SNTG1: variants seen among roughly 807,000 people sequenced by gnomAD.
The protein encoded by SNTG1 is gamma-1-syntrophin.
Under a neutral mutation model 74.7 loss-of-function variants are expected in SNTG1, and 39 were observed. The observed-to-expected ratio is 0.52, with a 90% confidence interval of 0.40 to 0.68. SNTG1 has a LOEUF of 0.68. Among genes scored for constraint, SNTG1 ranks in the 30% least tolerant of loss-of-function variants. The pLI is 0.00. For missense variants in SNTG1, 685 were observed against 609.5 expected (o/e 1.12, Z -1.30); for synonymous variants, 254 against 217.1 (o/e 1.17, Z -1.49).
chr8:50,708,102 G>A (rs551610476), intron 16 of SNTG1: 3 of 219,042 alleles, frequency 1.4e-5, no homozygotes, highest in South Asian at 1.9e-4. Context: ...TCAGGAGACC[G>A]AGGGAAGAGC....
chr8:50,191,332 A>T (rs1044932138), intron 2 of SNTG1, among the ~76,000 whole-genome samples: 14 of 152,136 alleles, frequency 9.2e-5, no homozygotes, highest in Non-Finnish European at 1.8e-4. Context: ...ATTGAAGGGC[A>T]AAAGGAGAAA....
intron 1 of SNTG1, among the ~76,000 whole-genome samples, chr8:50,130,468 A>G (rs2081282257): frequency 6.6e-6 from 1 of 152,144 alleles, no homozygotes; most frequent in Non-Finnish European, 1.5e-5. Flanking sequence ...GGAAATTGAA[A>G]AGTGTTTAAG....
At chr8:50,718,259 G>A (rs1434707219) in intron 17 of SNTG1, among the ~76,000 whole-genome samples, 4 of 152,198 alleles carry the variant, frequency 2.6e-5, no homozygotes, top group Admixed American at 2.6e-4. Context: ...AACACTGACA[G>A]AGGAGGAGGA....
chr8:49,920,542 A>C (rs2129342726), intron 1 of SNTG1, among the ~76,000 whole-genome samples: 1 of 152,162 alleles, frequency 6.6e-6, no homozygotes, highest in East Asian at 1.9e-4. Flanking sequence ...GCAGTAAATA[A>C]ATAAAAAAAC....
chr8:49,946,827 C>A (rs1358191368), intron 1 of SNTG1, among the ~76,000 whole-genome samples: 1 of 152,162 alleles, frequency 6.6e-6, no homozygotes, highest in African/African-American at 2.4e-5. Flanking sequence ...GGACATGTAA[C>A]TTCTAGTTGG....
chr8:50,295,847 G>A (rs1025220465), intron 2 of SNTG1, among the ~76,000 whole-genome samples: 1 of 152,086 alleles, frequency 6.6e-6, no homozygotes, highest in Non-Finnish European at 1.5e-5. Context: ...GATATCTTTG[G>A]ACAAAATGTT....
At chr8:49,987,120 G>C (rs920006025) in intron 1 of SNTG1, among the ~76,000 whole-genome samples, 1 of 152,158 alleles carries the variant, frequency 6.6e-6, no homozygotes, top group East Asian at 1.9e-4. Flanking sequence ...TCCATGAGGA[G>C]ATACTTCCAA....
intron 1 of SNTG1, among the ~76,000 whole-genome samples, chr8:50,004,035 G>A (rs367693254): frequency 1.1e-4 from 16 of 152,196 alleles, no homozygotes; most frequent in Admixed American, 1.3e-4. Context: ...GCAGAGTATG[G>A]CAGTATGAGT....
At chr8:50,702,265 A>G (rs1563762625) in intron 15 of SNTG1, among the ~76,000 whole-genome samples, 1 of 152,144 alleles carries the variant, frequency 6.6e-6, no homozygotes, top group African/African-American at 2.4e-5. Context: ...ACTACTAAAA[A>G]GTATTTATAA....
chr8:50,233,895 T>C (rs2085759765), intron 2 of SNTG1, among the ~76,000 whole-genome samples: 1 of 151,834 alleles, frequency 6.6e-6, no homozygotes. Context: ...TACTGATAAC[T>C]CCAAATGCTG....
chr8:50,546,430 G>A (rs548823458), intron 11 of SNTG1, among the ~76,000 whole-genome samples: 1 of 151,894 alleles, frequency 6.6e-6, no homozygotes, highest in Non-Finnish European at 1.5e-5. Context: ...CGTGCACAAC[G>A]TGCAGGTTTG....
At chr8:50,379,824 T>G (rs1377210466) in intron 2 of SNTG1, among the ~76,000 whole-genome samples, 1 of 152,254 alleles carries the variant, frequency 6.6e-6, no homozygotes, top group Non-Finnish European at 1.5e-5. Flanking sequence ...ATGTGTTAGC[T>G]GGTCACAGGG....
At chr8:50,212,746 C>T (rs1372078535) in intron 2 of SNTG1, among the ~76,000 whole-genome samples, 1 of 152,150 alleles carries the variant, frequency 6.6e-6, no homozygotes, top group Non-Finnish European at 1.5e-5. Flanking sequence ...TCTGAAAGTG[C>T]TGTTGAATGG....
chr8:50,065,288 C>A, intron 1 of SNTG1, among the ~76,000 whole-genome samples: 1 of 152,030 alleles, frequency 6.6e-6, no homozygotes, highest in Non-Finnish European at 1.5e-5. Flanking sequence ...AAAAAGATAA[C>A]GTAAAGCATC....
At chr8:50,502,670 C>G in intron 8 of SNTG1, 108 bp from the exon 9 acceptor site, 2 of 824,814 alleles carry the variant, frequency 2.4e-6, no homozygotes, top group Non-Finnish European at 3.8e-6. Context: ...TTTCTGAATA[C>G]TAGGGAAAAA....
chr8:50,487,581 G>A (rs765702052), intron 8 of SNTG1, among the ~76,000 whole-genome samples: 20 of 151,352 alleles, frequency 1.3e-4, no homozygotes, highest in African/African-American at 3.9e-4. Flanking sequence ...GTAAACTATC[G>A]CAAGATCAAA....
At chr8:50,504,075 A>G (rs2093986394) in intron 9 of SNTG1, among the ~76,000 whole-genome samples, 1 of 152,116 alleles carries the variant, frequency 6.6e-6, no homozygotes, top group South Asian at 2.1e-4. Context: ...CTCACTTGTA[A>G]GTGAGAATGT....
At chr8:50,386,933 C>T (rs768758971) in intron 2 of SNTG1, among the ~76,000 whole-genome samples, 1 of 152,122 alleles carries the variant, frequency 6.6e-6, no homozygotes, top group African/African-American at 2.4e-5. Flanking sequence ...TTCTACAAAC[C>T]ATTTCAATTC....
chr8:50,335,817 ATTATT>A (rs71233486), intron 2 of SNTG1, among the ~76,000 whole-genome samples: 8,068 of 141,392 alleles, frequency 0.057, 249 homozygotes, highest in Middle Eastern at 0.11. Flanking sequence ...TTTATGTTTT[ATTATT>A]TTATTTTATT....
Sources: gnomAD v4.1 joint callset for allele counts (sites outside exome capture counted in the v4.1 genomes callset) on GRCh38, gnomAD v4.1.1 for gene constraint, MANE v1.5 for transcripts, NCBI Gene and HGNC (gene_info 2026-07-23, HGNC 2026-07-21) for gene names.